CREB5: variants seen among roughly 807,000 people sequenced by gnomAD.
CREB5 encodes cyclic AMP-responsive element-binding protein 5.
Under a neutral mutation model 57.1 loss-of-function variants are expected in CREB5, and 19 were observed. That is an observed-to-expected ratio of 0.33 (90% CI 0.23 to 0.49). The LOEUF (loss-of-function observed/expected upper bound fraction) is 0.49, where lower values mean the gene tolerates loss of function less well. CREB5 is among the 20% of genes least tolerant of loss of function. The pLI, the probability that CREB5 is intolerant of heterozygous loss-of-function variation, is 0.99. For missense variants in CREB5, 579 were observed against 671.6 expected (o/e 0.86, Z 1.52); for synonymous variants, 238 against 238.3 (o/e 1.00, Z 0.01).
upstream of CREB5, chr7:28,410,787 C>T (rs1046296499): frequency 2.8e-6 from 1 of 351,820 alleles, no homozygotes; most frequent in Non-Finnish European, 5.6e-6. Context: ...GTTTGATTAA[C>T]GGCTTGAGCT....
intron 5 of CREB5, among the ~76,000 whole-genome samples, chr7:28,667,041 T>C (rs1432595422): frequency 6.6e-6 from 1 of 152,068 alleles, no homozygotes; most frequent in Non-Finnish European, 1.5e-5. Flanking sequence ...GCGACAAGAC[T>C]TGGGGATCTG....
intron 5 of CREB5, among the ~76,000 whole-genome samples, chr7:28,610,261 G>A (rs1562525865): frequency 6.6e-6 from 1 of 152,126 alleles, no homozygotes; most frequent in South Asian, 2.1e-4. Context: ...AAGGGGAGGG[G>A]CCAGAGGGAA....
intron 5 of CREB5, among the ~76,000 whole-genome samples, chr7:28,641,914 A>C (rs1018786899): frequency 2.0e-5 from 3 of 152,186 alleles, no homozygotes; most frequent in African/African-American, 7.2e-5. Context: ...TTTGGGTCAA[A>C]AGAAAAGGCA....
chr7:28,736,748 G>T (rs1273207685), intron 7 of CREB5, among the ~76,000 whole-genome samples: 1 of 151,820 alleles, frequency 6.6e-6, no homozygotes, highest in Non-Finnish European at 1.5e-5. Flanking sequence ...AGGTGTGGAC[G>T]CATGGAAGCA....
chr7:28,725,879 C>T (rs1803310468), intron 7 of CREB5, among the ~76,000 whole-genome samples: 1 of 152,130 alleles, frequency 6.6e-6, no homozygotes, highest in Admixed American at 6.5e-5. Flanking sequence ...TTCTAAAACA[C>T]AATTCCAAAC....
At chr7:28,468,594 G>C (rs1380258737) in intron 1 of CREB5, among the ~76,000 whole-genome samples, 1 of 152,202 alleles carries the variant, frequency 6.6e-6, no homozygotes, top group Non-Finnish European at 1.5e-5. Context: ...GTTCTCCTTT[G>C]TTAAATCCTG....
chr7:28,607,645 G>A (rs1473791869), intron 5 of CREB5, among the ~76,000 whole-genome samples: 2 of 152,144 alleles, frequency 1.3e-5, no homozygotes, highest in Admixed American at 1.3e-4. Context: ...TGCATTGGAA[G>A]GAAAGTGGTT....
chr7:28,358,386 C>A (rs1018605414), intron 1 of CREB5, among the ~76,000 whole-genome samples: 3 of 152,218 alleles, frequency 2.0e-5, no homozygotes, highest in African/African-American at 7.2e-5. Flanking sequence ...GTCTCTGGGA[C>A]TTGACACGGC....
chr7:28,695,622 T>C (rs1163046618), intron 5 of CREB5, among the ~76,000 whole-genome samples: 1 of 152,178 alleles, frequency 6.6e-6, no homozygotes, highest in Admixed American at 6.5e-5. Flanking sequence ...TGGGCCCTAA[T>C]AGCATTGGGG....
At chr7:28,369,351 A>G (rs956066105) in intron 1 of CREB5, among the ~76,000 whole-genome samples, 3 of 152,186 alleles carry the variant, frequency 2.0e-5, no homozygotes, top group African/African-American at 7.2e-5. Context: ...CTGAGCAATG[A>G]CGTGGAATTG....
chr7:28,574,571 G>C (rs192328486), intron 5 of CREB5, among the ~76,000 whole-genome samples: 1 of 152,324 alleles, frequency 6.6e-6, no homozygotes, highest in African/African-American at 2.4e-5. Flanking sequence ...TTCTTCAGGA[G>C]AGCAATGAAG....
At chr7:28,445,501 G>A (rs1158993497) in intron 1 of CREB5, among the ~76,000 whole-genome samples, 1 of 151,710 alleles carries the variant, frequency 6.6e-6, no homozygotes, top group Non-Finnish European at 1.5e-5. Flanking sequence ...CTTGGAGCAG[G>A]GTTTTACTGA....
intron 1 of CREB5, among the ~76,000 whole-genome samples, chr7:28,365,840 T>A (rs1292731852): frequency 6.6e-6 from 1 of 152,240 alleles, no homozygotes; most frequent in African/African-American, 2.4e-5. Context: ...ACATTTTTAC[T>A]CATATAGCAC....
chr7:28,544,255 C>T (rs1176185848), intron 4 of CREB5, among the ~76,000 whole-genome samples: 2 of 152,088 alleles, frequency 1.3e-5, no homozygotes, highest in African/African-American at 4.8e-5. Flanking sequence ...TGGCACATGG[C>T]CGGGGCTTTG....
chr7:28,673,763 A>G (rs544129360), intron 5 of CREB5, among the ~76,000 whole-genome samples: 2 of 138,570 alleles, frequency 1.4e-5, no homozygotes, highest in African/African-American at 2.7e-5. Context: ...ACCTCCACCT[A>G]CTTAGGCTCA....
At chr7:28,507,529 G>C in intron 3 of CREB5, 87 bp from the exon 4 acceptor site, 1 of 1,462,168 alleles carries the variant, frequency 6.8e-7, no homozygotes, top group Admixed American at 2.0e-5. Context: ...TTAAGGCAAG[G>C]GGAGGGGATT....
chr7:28,611,590 G>A (rs1320397134), intron 5 of CREB5, among the ~76,000 whole-genome samples: 6 of 149,614 alleles, frequency 4.0e-5, no homozygotes, highest in East Asian at 2.0e-4. Flanking sequence ...TATGAGAATC[G>A]CTTGAACACA....
At chr7:28,747,085 CTTT>C (rs3216232) in intron 7 of CREB5, among the ~76,000 whole-genome samples, 1 of 146,142 alleles carries the variant, frequency 6.8e-6, no homozygotes, top group African/African-American at 2.5e-5. Flanking sequence ...AGAAACAAGA[CTTT>C]TTTTTTTTTT....
At chr7:28,569,696 G>A (rs987850839) in intron 4 of CREB5, among the ~76,000 whole-genome samples, 5 of 152,138 alleles carry the variant, frequency 3.3e-5, no homozygotes, top group African/African-American at 7.2e-5. Context: ...GTAACTAGAC[G>A]CTTGATTATT....
Sources: allele counts gnomAD v4.1 joint callset (sites outside exome capture counted in the v4.1 genomes callset), GRCh38; gene constraint gnomAD v4.1.1; transcripts MANE v1.5; gene names NCBI Gene and HGNC (gene_info 2026-07-23, HGNC 2026-07-21).